YWHAZ: variants seen among roughly 807,000 people sequenced by gnomAD.
YWHAZ encodes the protein tyrosine 3-monooxygenase/tryptophan 5-monooxygenase activation protein zeta, also known as 14-3-3 protein zeta/delta.
For missense variants in YWHAZ, 79 were observed against 284.8 expected, an observed-to-expected ratio of 0.28 and a Z score of 5.20; for synonymous variants, 87 against 103.6, an observed-to-expected ratio of 0.84 and a Z score of 0.97.
rs751456427 is a variant in YWHAZ, at chr8:100,924,341, TA to T, written c.419-44del. The T allele has an allele frequency of 6.3e-7, 1 of 1,582,238 alleles. No individual in the cohort carries two copies. On this transcript the variant is annotated intron_variant, in intron 3 of 5. Coordinates refer to ENST00000395958, the MANE Select transcript of YWHAZ (RefSeq NM_145690.3). This position sits in a 1 kb window ranked among gnomAD's most constrained non-coding sequence, Gnocchi z 5.7. ...AAACGTACTGAGATAAAGTGTGCATTATATCTTCACCCCTCAAACCAAACCT... is the reference window on the plus strand; with the variant it reads ...AAACGTACTGAGATAAAGTGTGCATTTATCTTCACCCCTCAAACCAAACCT...
At chr8:100,933,145 G>A (rs1813876819) in intron 2 of YWHAZ, among the ~76,000 whole-genome samples, 1 of 152,158 alleles carries the variant, frequency 6.6e-6, no homozygotes, top group African/African-American at 2.4e-5. Flanking sequence ...TGGATCATGA[G>A]GTCAGGAGCT....
At position 100,920,108 on chromosome 8, in the gene YWHAZ, C is replaced by A. The variant is rs962709599; in HGVS notation, c.*585G>T. ...ACTTTACAAATAATGGAATGTGAAC[C>A]GTTTCTGCCCTTATCCAGAGTAAAA... On this transcript the variant is annotated 3_prime_UTR_variant, in exon 6 of 6. Coordinates refer to ENST00000395958, the MANE Select transcript of YWHAZ (RefSeq NM_145690.3). The A allele has an allele frequency of 1.3e-5, 2 of 152,486 alleles. No homozygotes were observed. The highest frequency in any genetic ancestry group is 4.8e-5 in the African/African-American group (2 of 41,362). The allele number at this position is 152,486 out of a possible 1,614,324, so 9.4% of individuals were successfully genotyped here.
At chr8:100,923,253 C>T in intron 5 of YWHAZ, 1 of 152,060 alleles carries the variant, frequency 6.6e-6, no homozygotes, top group Non-Finnish European at 1.5e-5. Flanking sequence ...ATTTTTTCAC[C>T]TAAGCCTCAA....
chr8:100,949,912 CCA>C (rs1225916781), intron 1 of YWHAZ, among the ~76,000 whole-genome samples: 2 of 152,168 alleles, frequency 1.3e-5, no homozygotes, highest in East Asian at 1.9e-4. Flanking sequence ...AGATACTAAT[CCA>C]CACAGTGACA....
intron 2 of YWHAZ, among the ~76,000 whole-genome samples, chr8:100,940,757 G>C (rs1809783243): frequency 6.6e-6 from 1 of 152,180 alleles, no homozygotes; most frequent in Non-Finnish European, 1.5e-5. Context: ...TTCCCATTTT[G>C]AAGATGTGGA....
At chr8:100,926,571 G>C (rs1422085443) in intron 2 of YWHAZ, among the ~76,000 whole-genome samples, 1 of 152,136 alleles carries the variant, frequency 6.6e-6, no homozygotes, top group African/African-American at 2.4e-5. Flanking sequence ...GTGAGCCGAG[G>C]TTGCACCACT....
At position 100,920,663 on chromosome 8, in the gene YWHAZ, G is replaced by C. The variant is rs764328564; in HGVS notation, c.*30C>G. 7.6e-6 allele frequency: 12 copies of C among 1,583,630 alleles called. No individual in the cohort carries two copies. The highest frequency in any genetic ancestry group is 1.3e-5 in the African/African-American group (1 of 74,406). On this transcript the variant is annotated 3_prime_UTR_variant, in exon 6 of 6. Transcript: ENST00000395958. ...CAAATGGTCTACTGTGTAAATTTTAGAATGAGGCAGACAAAAGTTGGAAGG... is the reference window on the plus strand; with the variant it reads ...CAAATGGTCTACTGTGTAAATTTTACAATGAGGCAGACAAAAGTTGGAAGG...
chr8:100,952,817 C>G (rs1810899675), upstream of YWHAZ: 2 of 1,000,378 alleles, frequency 2.0e-6, no homozygotes, highest in African/African-American at 3.5e-5. Flanking sequence ...CGCGCGGCCC[C>G]TCCCGGCCTC....
upstream of YWHAZ, chr8:100,952,168 C>A: frequency 1.0e-6 from 1 of 984,940 alleles, no homozygotes; most frequent in Non-Finnish European, 1.2e-6. Context: ...CGATCGGGGC[C>A]CCGCGTAACC....
chr8:100,950,985 C>T, intron 1 of YWHAZ: 1 of 227,066 alleles, frequency 4.4e-6, no homozygotes, highest in Non-Finnish European at 7.3e-6. Context: ...GCACGGGAGC[C>T]GACTGCGGGC....
chr8:100,953,092 A>G (rs1810917929), upstream of YWHAZ: 1 of 991,790 alleles, frequency 1.0e-6, no homozygotes, highest in African/African-American at 1.7e-5. Flanking sequence ...GGGAAGCCAG[A>G]GTTCCGAGGG....
At chr8:100,925,371 G>A (rs548739231) in intron 2 of YWHAZ, among the ~76,000 whole-genome samples, 3 of 152,246 alleles carry the variant, frequency 2.0e-5, no homozygotes, top group African/African-American at 7.2e-5. Flanking sequence ...CTAATGAGCT[G>A]GCAAGCTTTC....
In YWHAZ at chr8:100,918,406, CTTTATATATATA is replaced by C. The variant is rs1330851781; in HGVS notation, c.*2275_*2286del. ...TCAGTCTAGCTATAAAATATAATTA[CTTTATATATATA>C]TATATATATATATATATATATATAT... On this transcript the variant is annotated 3_prime_UTR_variant, in exon 6 of 6. Transcript: ENST00000395958. 14 of 19,620 alleles carry C rather than the reference CTTTATATATATA, an allele frequency of 7.1e-4. No individual in the cohort carries two copies. The highest frequency in any genetic ancestry group is 1.8e-3 in the African/African-American group (14 of 7,592). 1.2% of individuals were successfully genotyped at this position (19,620 alleles called of 1,614,324 possible). A position where few individuals can be genotyped will look rare whatever the true frequency, so the allele number is the denominator to read the frequency against.
upstream of YWHAZ, chr8:100,952,119 T>A: frequency 5.1e-6 from 5 of 986,336 alleles, no homozygotes; most frequent in Non-Finnish European, 6.0e-6. Context: ...CACGATGACG[T>A]CAAACGCTGC....
At chr8:100,951,896 G>T in intron 1 of YWHAZ, 33 bp downstream of exon 1, 1 of 992,814 alleles carries the variant, frequency 1.0e-6, no homozygotes, top group Non-Finnish European at 1.2e-6. Context: ...CCTGGGACAG[G>T]AAGCGAGGCG....
chr8:100,950,365 T>A, intron 1 of YWHAZ: 1 of 985,518 alleles, frequency 1.0e-6, no homozygotes, highest in Non-Finnish European at 1.2e-6. Context: ...GCCTCGCCTC[T>A]ACACTGCGGG....
At chr8:100,935,226 T>C (rs866448383) in intron 2 of YWHAZ, among the ~76,000 whole-genome samples, 1 of 152,270 alleles carries the variant, frequency 6.6e-6, no homozygotes, top group African/African-American at 2.4e-5. Context: ...TAGGCTCTAA[T>C]AAAGGCACGT....
intron 2 of YWHAZ, among the ~76,000 whole-genome samples, chr8:100,926,524 C>A (rs1228382523): frequency 6.6e-6 from 1 of 152,118 alleles, no homozygotes; most frequent in East Asian, 1.9e-4. Context: ...CCAGCTGAGG[C>A]AGGAGAACTG....
chr8:100,951,183 C>T, intron 1 of YWHAZ: 16 of 985,344 alleles, frequency 1.6e-5, no homozygotes, highest in Non-Finnish European at 1.9e-5. Flanking sequence ...CCCAAAACCT[C>T]ACCCCGCAGT....
Sources: gnomAD v4.1 joint callset for allele counts (sites outside exome capture counted in the v4.1 genomes callset) on GRCh38, gnomAD v4.1.1 for gene constraint, Gnocchi (gnomAD v3.1) non-coding constraint, MANE v1.5 for transcripts, NCBI Gene and HGNC (gene_info 2026-07-23, HGNC 2026-07-21) for gene names.